The following NRK variants were observed in gnomAD, a reference collection of about 807,000 sequenced individuals.
The protein encoded by NRK is Nik related kinase.
Under a neutral mutation model 125.2 loss-of-function variants are expected in NRK, and 67 were observed. The observed-to-expected ratio is 0.54, with a 90% CI of 0.44 to 0.66. The LOEUF is 0.66. Among genes scored for constraint, NRK ranks in the 30% least tolerant of loss-of-function variants. NRK has a pLI of 0.00. For missense variants in NRK, 1,224 were observed against 1,192.9 expected (o/e 1.03, Z -0.38); for synonymous variants, 458 against 429.0 (o/e 1.07, Z -0.84).
chrX:105,825,655 G>A (rs764190987), intron 1 of NRK, among the ~76,000 whole-genome samples: 3 of 111,419 alleles, frequency 2.7e-5, no homozygotes, highest in Non-Finnish European at 5.7e-5. Context: ...AGGAATGAAA[G>A]CTAGGAAACA....
At chrX:105,840,310 C>A (rs1241276146) in intron 2 of NRK, among the ~76,000 whole-genome samples, 1 of 111,662 alleles carries the variant, frequency 9.0e-6, no homozygotes, top group Non-Finnish European at 1.9e-5. Flanking sequence ...CTCTAATCTG[C>A]TTAATATGTT....
intron 27 of NRK, among the ~76,000 whole-genome samples, chrX:105,952,370 G>A (rs2040911173): frequency 8.9e-6 from 1 of 111,870 alleles, no homozygotes; most frequent in South Asian, 3.7e-4. Context: ...CTGACTGACT[G>A]TTTACACAAT....
chrX:105,867,714 G>T (rs2147689623), intron 2 of NRK, among the ~76,000 whole-genome samples: 1 of 111,565 alleles, frequency 9.0e-6, no homozygotes, highest in East Asian at 2.8e-4. Flanking sequence ...ATTTAATCAT[G>T]GTTCCATCCA....
Position 105,935,176 on chromosome X carries a change from C to G in NRK, c.3506C>G (p.Ala1169Gly), listed in dbSNP as rs772341965. ...DANFASAILY[A>G]GFVEVPEESP... Reference sequence around the variant, plus strand: ...TCCCCTTACATCTTTGCAGTATACGCTGGATTCGTAGAAGTACCTGAGGAA... The same window carrying G: ...TCCCCTTACATCTTTGCAGTATACGGTGGATTCGTAGAAGTACCTGAGGAA... Residue 1169 changes from alanine to glycine, a missense_variant, in exon 21 of 29, where the codon GCT becomes GGT. Transcript: ENST00000243300. The G allele has an allele frequency of 2.6e-5, 31 of 1,190,603 alleles. No homozygotes were observed. Among genetic ancestry groups the G allele is most frequent in the Non-Finnish European group, 3.2e-5 (28 of 876,922 alleles).
At chrX:105,880,039 C>A (rs2039865587) in intron 2 of NRK, among the ~76,000 whole-genome samples, 160 bp from the exon 3 acceptor site, 1 of 110,484 alleles carries the variant, frequency 9.1e-6, no homozygotes. Context: ...TTTAATATTT[C>A]TGTTTTCTAT....
rs186389517 is a variant in NRK, at chrX:105,873,591, A to C, written c.124-6608A>C. ...TTTACACTGAAATTTCTGGCATGAC[A>C]AAAACAGGTGCACTCTTGCATTCTC... On this transcript the variant is annotated intron_variant, in intron 2 of 28. Coordinates refer to ENST00000243300, the MANE Select transcript of NRK (RefSeq NM_198465.4). Among the ~76,000 whole-genome samples, 5 of 112,002 alleles carry C rather than the reference A, an allele frequency of 4.5e-5. No individual in the cohort carries two copies. The East Asian group carries it at 1.4e-3, about 32-fold the overall frequency.
chrX:105,839,862 T>C (rs2039308347), intron 2 of NRK, among the ~76,000 whole-genome samples: 1 of 110,872 alleles, frequency 9.0e-6, no homozygotes, highest in Non-Finnish European at 1.9e-5. Context: ...AAAGAGGAAA[T>C]TGGGACATAG....
At chrX:105,912,052 A>T (rs979887762) in intron 13 of NRK, among the ~76,000 whole-genome samples, 1 of 111,606 alleles carries the variant, frequency 9.0e-6, no homozygotes, top group African/African-American at 3.3e-5. Flanking sequence ...CTGAAATTTT[A>T]TTAGAGTTGA....
intron 2 of NRK, among the ~76,000 whole-genome samples, chrX:105,849,879 G>A: frequency 8.9e-6 from 1 of 111,941 alleles, no homozygotes; most frequent in African/African-American, 3.3e-5. Flanking sequence ...TTGAGTGTCT[G>A]CAACTTTTCC....
At chrX:105,908,200 G>T in intron 11 of NRK, 40 bp from the exon 12 acceptor site, 2 of 780,307 alleles carry the variant, frequency 2.6e-6, no homozygotes, top group Non-Finnish European at 3.7e-6. Context: ...CTTATCTGCT[G>T]ACTGTTTATG....
intron 2 of NRK, among the ~76,000 whole-genome samples, chrX:105,879,802 G>A (rs942019532): frequency 2.7e-5 from 3 of 110,701 alleles, no homozygotes; most frequent in African/African-American, 9.8e-5. Context: ...ACAACAACTC[G>A]TTTTCTGCCA....
At chrX:105,894,015 C>T (rs777907439) in intron 6 of NRK, 73 bp downstream of exon 6, 1 of 521,001 alleles carries the variant, frequency 1.9e-6, no homozygotes, top group Non-Finnish European at 3.1e-6. Flanking sequence ...GCACCTTATA[C>T]CTGCTCACAT....
chrX:105,862,041 C>T (rs780215484), intron 2 of NRK, among the ~76,000 whole-genome samples: 144 of 110,252 alleles, frequency 1.3e-3, no homozygotes, highest in African/African-American at 4.0e-3. Context: ...CCAGCCTGTG[C>T]GGCACAGCAA....
intron 26 of NRK, among the ~76,000 whole-genome samples, chrX:105,947,588 T>C (rs1308219168): frequency 1.8e-5 from 2 of 111,750 alleles, no homozygotes; most frequent in Non-Finnish European, 3.8e-5. Context: ...ATAATTCTAC[T>C]GTGTCTCAAA....
chrX:105,839,621 A>G (rs1386976937), intron 2 of NRK, among the ~76,000 whole-genome samples: 2 of 112,352 alleles, frequency 1.8e-5, no homozygotes, highest in African/African-American at 6.5e-5. Context: ...ACCATTCTGT[A>G]ATAAAAATTT....
At chrX:105,882,101 G>A (rs1049383182) in intron 4 of NRK, among the ~76,000 whole-genome samples, 2 of 110,562 alleles carry the variant, frequency 1.8e-5, no homozygotes, top group Admixed American at 9.7e-5. Context: ...GAGGTGATGC[G>A]ATCTACAGCA....
rs767188601 is a variant in NRK, at chrX:105,917,649, G to A, written c.2489G>A (p.Arg830His). 1.3e-5 allele frequency: 15 copies of A among 1,153,046 alleles called. No homozygotes were observed. Among genetic ancestry groups the A allele is most frequent in the East Asian group, 3.2e-5 (1 of 31,517 alleles). Reference protein sequence around the residue: ...IDIRQRSSQNRQNWLAASESS... With the variant: ...IDIRQRSSQNHQNWLAASESS... ...ATCAGACAAAGGAGTTCGCAAAATC[G>A]TCAAAATTGGCTGGCAGCATCAGGT... Residue 830 changes from arginine (R) to histidine (H), a missense_variant, in exon 16 of 29, where the codon CGT (arginine) becomes CAT (histidine). Physicochemically the swap from Arg to His is conservative, Grantham distance 29. Coordinates refer to ENST00000243300, the MANE Select transcript of NRK (RefSeq NM_198465.4).
At chrX:105,834,429 T>C (rs1253577530) in intron 2 of NRK, among the ~76,000 whole-genome samples, 3 of 109,880 alleles carry the variant, frequency 2.7e-5, no homozygotes, top group African/African-American at 9.9e-5. Context: ...AGTTTAAATA[T>C]GAAATGTCTG....
intron 4 of NRK, among the ~76,000 whole-genome samples, chrX:105,885,121 T>G (rs2147713014): frequency 8.9e-6 from 1 of 112,380 alleles, no homozygotes; most frequent in South Asian, 3.6e-4. Flanking sequence ...ACTCTACAAA[T>G]ATATTTCACT....
Sources: gnomAD v4.1 joint callset for allele counts (sites outside exome capture counted in the v4.1 genomes callset) on GRCh38, gnomAD v4.1.1 for gene constraint, MANE v1.5 for transcripts, NCBI Gene and HGNC (gene_info 2026-07-23, HGNC 2026-07-21) for gene names.